NRG1: variants seen among roughly 807,000 people sequenced by gnomAD.
The protein encoded by NRG1 is neuregulin 1.
In NRG1, 18 loss-of-function variants were observed where a neutral mutation model predicts 63.8. The observed-to-expected ratio is 0.28, with a 90% CI of 0.19 to 0.42. The LOEUF is 0.42. Ranked by LOEUF, NRG1 falls within the 10% of genes least tolerant of loss-of-function variation. NRG1 has a pLI of 1.00. For synonymous variants in NRG1, 302 were observed against 301.3 expected (o/e 1.00, Z -0.02); for missense variants, 762 against 814.7 (o/e 0.94, Z 0.79).
intron 1 of NRG1, among the ~76,000 whole-genome samples, chr8:31,648,534 G>A (rs71523429): frequency 6.6e-6 from 1 of 152,026 alleles, no homozygotes; most frequent in African/African-American, 2.4e-5. Context: ...GTAAAACCAA[G>A]ACTCTATACC....
intron 1 of NRG1, among the ~76,000 whole-genome samples, chr8:31,860,031 C>A (rs1225325532): frequency 6.6e-6 from 1 of 152,120 alleles, no homozygotes; most frequent in Admixed American, 6.6e-5. Context: ...TACTTGGGGG[C>A]AAGACATGGA....
chr8:32,194,048 T>A (rs1842745370), intron 1 of NRG1, among the ~76,000 whole-genome samples: 1 of 152,232 alleles, frequency 6.6e-6, no homozygotes, highest in African/African-American at 2.4e-5. Flanking sequence ...ATGACAGCCC[T>A]TGGAATTGAA....
At chr8:31,794,049 AG>A (rs1381437762) in intron 1 of NRG1, among the ~76,000 whole-genome samples, 1 of 150,808 alleles carries the variant, frequency 6.6e-6, no homozygotes, top group Non-Finnish European at 1.5e-5. Flanking sequence ...TCCTCCTAAC[AG>A]AGTCTTTGCA....
At chr8:32,601,045 G>C (rs910518105) in intron 2 of NRG1, among the ~76,000 whole-genome samples, 1 of 152,136 alleles carries the variant, frequency 6.6e-6, no homozygotes, top group East Asian at 1.9e-4. Flanking sequence ...GGAAGATTTG[G>C]CTCATTCTAC....
chr8:31,890,085 T>C (rs1831031596), intron 1 of NRG1, among the ~76,000 whole-genome samples: 2 of 152,316 alleles, frequency 1.3e-5, no homozygotes, highest in African/African-American at 2.4e-5. Flanking sequence ...GTAGCATGCC[T>C]GGTCTCTATC....
exon 1 of NRG1, chr8:32,548,771 G>T (rs1020474765): frequency 6.3e-7 from 1 of 1,590,976 alleles, no homozygotes; most frequent in Non-Finnish European, 8.5e-7. Flanking sequence ...AGGGCAAGAA[G>T]AAGGAGCGAG....
intron 5 of NRG1, among the ~76,000 whole-genome samples, chr8:32,622,661 T>C (rs1281481378): frequency 6.6e-6 from 1 of 152,138 alleles, no homozygotes; most frequent in Non-Finnish European, 1.5e-5. Context: ...TACCAAAGCG[T>C]TGGAATTGCA....
chr8:32,245,715 T>C (rs994532833), intron 1 of NRG1, among the ~76,000 whole-genome samples: 32 of 152,168 alleles, frequency 2.1e-4, no homozygotes, highest in African/African-American at 7.2e-4. Flanking sequence ...TTTGGCCTGA[T>C]TATTTACATT....
At chr8:32,301,580 G>C (rs1334339130) in intron 1 of NRG1, among the ~76,000 whole-genome samples, 6 of 152,186 alleles carry the variant, frequency 3.9e-5, no homozygotes, top group Admixed American at 3.3e-4. Context: ...ACAAAAGAAA[G>C]AGGTTTATTG....
chr8:32,242,061 A>G (rs1226495468), intron 1 of NRG1, among the ~76,000 whole-genome samples: 1 of 152,140 alleles, frequency 6.6e-6, no homozygotes, highest in Non-Finnish European at 1.5e-5. Flanking sequence ...CATTGTTTCT[A>G]TTTTAACTTT....
chr8:32,330,979 T>C (rs969671099), intron 1 of NRG1, among the ~76,000 whole-genome samples: 3 of 152,192 alleles, frequency 2.0e-5, no homozygotes, highest in African/African-American at 7.2e-5. Context: ...TCCTGTACTT[T>C]TCTGTCTGTT....
chr8:32,167,045 A>C (rs1839477604), intron 1 of NRG1, among the ~76,000 whole-genome samples: 1 of 152,194 alleles, frequency 6.6e-6, no homozygotes, highest in Non-Finnish European at 1.5e-5. Flanking sequence ...TTTAGGAGAA[A>C]AGTTGACTTG....
intron 5 of NRG1, among the ~76,000 whole-genome samples, chr8:32,626,154 G>T (rs1020007886): frequency 6.6e-6 from 1 of 152,068 alleles, no homozygotes; most frequent in African/African-American, 2.4e-5. Context: ...CTATATTTCA[G>T]CATGAGGCTA....
chr8:32,002,086 C>T (rs535249043), intron 1 of NRG1, among the ~76,000 whole-genome samples: 8 of 152,080 alleles, frequency 5.3e-5, no homozygotes, highest in Middle Eastern at 6.8e-3. Context: ...TGCAGTAGCA[C>T]GATCTCAGCT....
chr8:31,741,565 C>T (rs1228081531), intron 1 of NRG1, among the ~76,000 whole-genome samples: 2 of 151,858 alleles, frequency 1.3e-5, no homozygotes, highest in Non-Finnish European at 2.9e-5. Context: ...CTGAAAAATA[C>T]TTCAAACGAC....
At chr8:32,039,059 G>C (rs1331147032) in intron 1 of NRG1, among the ~76,000 whole-genome samples, 1 of 152,116 alleles carries the variant, frequency 6.6e-6, no homozygotes, top group Admixed American at 6.6e-5. Context: ...TGGGATGTTT[G>C]TTTTGGCTTT....
At chr8:32,686,104 C>T (rs1169911956) in intron 5 of NRG1, among the ~76,000 whole-genome samples, 1 of 152,186 alleles carries the variant, frequency 6.6e-6, no homozygotes, top group Non-Finnish European at 1.5e-5. Context: ...GTGGTCTAGT[C>T]TAAGTTATTA....
intron 1 of NRG1, among the ~76,000 whole-genome samples, chr8:31,784,459 A>G: frequency 6.6e-6 from 1 of 152,210 alleles, no homozygotes; most frequent in East Asian, 1.9e-4. Flanking sequence ...GAAATCAACC[A>G]CTTGTCCCTA....
chr8:32,512,951 G>T (rs906977343), intron 1 of NRG1, among the ~76,000 whole-genome samples: 3 of 152,044 alleles, frequency 2.0e-5, no homozygotes, highest in Admixed American at 6.6e-5. Flanking sequence ...ATATCAAACT[G>T]GTTTTAACTT....
Sources: gnomAD v4.1 joint callset for allele counts (sites outside exome capture counted in the v4.1 genomes callset) on GRCh38, gnomAD v4.1.1 for gene constraint, MANE v1.5 for transcripts, NCBI Gene and HGNC (gene_info 2026-07-23, HGNC 2026-07-21) for gene names.